ARFIP1: variants seen among roughly 807,000 people sequenced by gnomAD.
The protein encoded by ARFIP1 is ARF interacting protein 1.
In ARFIP1, 24 loss-of-function variants were observed where a neutral mutation model predicts 42.5. The observed-to-expected ratio is 0.57, with a 90% confidence interval of 0.41 to 0.80. ARFIP1 has a LOEUF of 0.80. Among genes scored for constraint, ARFIP1 ranks in the 30% least tolerant of loss-of-function variants. The probability of loss-of-function intolerance (pLI) is 0.00; values close to 1 mark genes in which losing one functional copy is unlikely to be tolerated. For synonymous variants in ARFIP1, 141 were observed against 153.7 expected, an observed-to-expected ratio of 0.92 and a Z score of 0.61; for missense variants, 354 against 434.0, an observed-to-expected ratio of 0.82 and a Z score of 1.64.
chr4:152,843,131 C>T (rs968725612), intron 2 of ARFIP1, among the ~76,000 whole-genome samples: 1 of 152,030 alleles, frequency 6.6e-6, no homozygotes, highest in African/African-American at 2.4e-5. Context: ...TAGTAGTCTC[C>T]CCATTTTCCT....
chr4:152,854,933 CT>C (rs1417917609), intron 2 of ARFIP1, among the ~76,000 whole-genome samples: 2 of 152,194 alleles, frequency 1.3e-5, no homozygotes, highest in African/African-American at 4.8e-5. Context: ...ATTTTTGGGC[CT>C]CCAGATGGCT....
intron 5 of ARFIP1, 38 bp downstream of exon 5, chr4:152,872,602 T>A: frequency 1.6e-6 from 2 of 1,244,606 alleles, no homozygotes; most frequent in Non-Finnish European, 2.2e-6. Flanking sequence ...TAAATGGCTC[T>A]AAAAAAGTTC....
intron 1 of ARFIP1, among the ~76,000 whole-genome samples, chr4:152,792,850 A>G (rs548557244): frequency 5.9e-5 from 9 of 152,330 alleles, no homozygotes; most frequent in Admixed American, 4.6e-4. Flanking sequence ...CAAAGCAGCT[A>G]CAAAGAGTTG....
chr4:152,888,366 TAGTC>T, intron 8 of ARFIP1, 59 bp downstream of exon 8: 2 of 1,234,428 alleles, frequency 1.6e-6, no homozygotes, highest in Non-Finnish European at 2.2e-6. Flanking sequence ...TAAAGAGAGA[TAGTC>T]AGTTTTTCTG....
intron 2 of ARFIP1, among the ~76,000 whole-genome samples, chr4:152,841,908 C>T (rs1019830108): frequency 6.6e-6 from 1 of 152,148 alleles, no homozygotes; most frequent in African/African-American, 2.4e-5. Flanking sequence ...ATCTCAACTG[C>T]ACAACCCCTA....
intron 8 of ARFIP1, among the ~76,000 whole-genome samples, chr4:152,906,953 C>T (rs943851313): frequency 3.3e-5 from 5 of 152,156 alleles, no homozygotes; most frequent in African/African-American, 7.2e-5. Flanking sequence ...AATCTGTATT[C>T]AACTGTTACC....
intron 1 of ARFIP1, among the ~76,000 whole-genome samples, chr4:152,795,579 G>C (rs1446492293): frequency 6.6e-6 from 1 of 152,122 alleles, no homozygotes; most frequent in Admixed American, 6.6e-5. Flanking sequence ...AAAGTTAAGT[G>C]TATATGTCAT....
chr4:152,898,134 C>T (rs761971876), intron 8 of ARFIP1, among the ~76,000 whole-genome samples: 23 of 152,040 alleles, frequency 1.5e-4, no homozygotes, highest in Non-Finnish European at 2.6e-4. Context: ...AGGCGCCCAC[C>T]ACAACGCCCA....
intron 8 of ARFIP1, among the ~76,000 whole-genome samples, chr4:152,899,104 T>C (rs1021502994): frequency 6.6e-6 from 1 of 152,174 alleles, no homozygotes; most frequent in Non-Finnish European, 1.5e-5. Context: ...TTTCTTGTTA[T>C]CTAAATATGG....
chr4:152,789,035 C>G (rs1408044484), intron 1 of ARFIP1, among the ~76,000 whole-genome samples: 1 of 139,568 alleles, frequency 7.2e-6, no homozygotes, highest in Non-Finnish European at 1.5e-5. Context: ...AGGAAGATCA[C>G]AGAAGTAAAG....
chr4:152,870,261 A>G (rs1734768383), intron 3 of ARFIP1, among the ~76,000 whole-genome samples: 1 of 152,242 alleles, frequency 6.6e-6, no homozygotes, highest in African/African-American at 2.4e-5. Context: ...ATTTTTGGCT[A>G]CAATTCCTGT....
At chr4:152,901,285 A>G (rs1737808628) in intron 8 of ARFIP1, among the ~76,000 whole-genome samples, 1 of 152,176 alleles carries the variant, frequency 6.6e-6, no homozygotes, top group Non-Finnish European at 1.5e-5. Flanking sequence ...TTTATGTTCT[A>G]TTGATACATG....
chr4:152,790,473 G>A (rs895883569), intron 1 of ARFIP1, among the ~76,000 whole-genome samples: 10 of 152,132 alleles, frequency 6.6e-5, no homozygotes, highest in African/African-American at 2.2e-4. Context: ...TTTTCAGAGA[G>A]TAATTTAGTT....
chr4:152,876,782 T>C, intron 5 of ARFIP1, among the ~76,000 whole-genome samples: 1 of 152,234 alleles, frequency 6.6e-6, no homozygotes, highest in African/African-American at 2.4e-5. Context: ...CTGTGCTGTA[T>C]GCAGCCTAGG....
At position 152,902,597 on chromosome 4, in the gene ARFIP1, C is replaced by G. The variant is rs537952128; in HGVS notation, c.967-7467C>G. Among the ~76,000 whole-genome samples, 6 of 152,210 alleles carry G rather than the reference C, an allele frequency of 3.9e-5. No homozygotes were observed. The East Asian group carries it at 1.2e-3, about 29-fold the overall frequency. ...AGGTGTTTCCAAAAGTTAGTGCTCCCCCAGTATAACAAAGCATAGTCTACC... is the reference window on the plus strand; with the variant it reads ...AGGTGTTTCCAAAAGTTAGTGCTCCGCCAGTATAACAAAGCATAGTCTACC... On this transcript the variant is annotated intron_variant, in intron 8 of 8. Transcript: ENST00000353617.
chr4:152,809,058 AAAT>A (rs963155829), intron 1 of ARFIP1, among the ~76,000 whole-genome samples: 2 of 152,244 alleles, frequency 1.3e-5, no homozygotes, highest in East Asian at 3.8e-4. Flanking sequence ...CTCAAAAAAA[AAAT>A]AAGTGGCAAG....
At chr4:152,871,390 C>T (rs1165770562) in intron 4 of ARFIP1, among the ~76,000 whole-genome samples, 1 of 152,166 alleles carries the variant, frequency 6.6e-6, no homozygotes, top group African/African-American at 2.4e-5. Flanking sequence ...ATTTGCTCTG[C>T]ACTTTACCGT....
chr4:152,872,066 C>G, intron 4 of ARFIP1, among the ~76,000 whole-genome samples: 1 of 151,986 alleles, frequency 6.6e-6, no homozygotes, highest in Non-Finnish European at 1.5e-5. Flanking sequence ...GAATACGTGG[C>G]CTTTTAGATT....
At chr4:152,783,667 A>C (rs1427040054) in intron 1 of ARFIP1, among the ~76,000 whole-genome samples, 2 of 152,146 alleles carry the variant, frequency 1.3e-5, no homozygotes, top group African/African-American at 2.4e-5. Context: ...AATGAGTTGG[A>C]GATATATCAC....
Sources: gnomAD v4.1 joint callset for allele counts (sites outside exome capture counted in the v4.1 genomes callset) on GRCh38, gnomAD v4.1.1 for gene constraint, MANE v1.5 for transcripts, NCBI Gene and HGNC (gene_info 2026-07-23, HGNC 2026-07-21) for gene names.